Variants in MYO5A observed in about 807,000 individuals in gnomAD.
MYO5A encodes the protein unconventional myosin-Va.
MYO5A carries 98 observed loss-of-function variants against 249.7 expected under a neutral mutation model. That is an observed-to-expected ratio of 0.39 (90% CI 0.33 to 0.46). MYO5A has a LOEUF of 0.46. Among genes scored for constraint, MYO5A ranks in the 20% least tolerant of loss-of-function variants. The pLI is 0.98. For synonymous variants in MYO5A, 778 were observed against 810.6 expected, an observed-to-expected ratio of 0.96 and a Z score of 0.68; for missense variants, 1,696 against 2,308.8, an observed-to-expected ratio of 0.73 and a Z score of 5.44.
chr15:52,482,642 T>C (rs1003194013), intron 1 of MYO5A, among the ~76,000 whole-genome samples: 3 of 152,104 alleles, frequency 2.0e-5, no homozygotes, highest in Admixed American at 1.3e-4. Flanking sequence ...TTCCTGTTCA[T>C]AATTTTTTTT....
At chr15:52,485,577 CATA>C (rs2076803452) in intron 1 of MYO5A, among the ~76,000 whole-genome samples, 1 of 151,998 alleles carries the variant, frequency 6.6e-6, no homozygotes, top group Non-Finnish European at 1.5e-5. Context: ...CATGAATCAG[CATA>C]ATATTTACCC....
At chr15:52,470,071 T>C (rs1595741675) in intron 1 of MYO5A, among the ~76,000 whole-genome samples, 2 of 152,236 alleles carry the variant, frequency 1.3e-5, no homozygotes, top group African/African-American at 2.4e-5. Flanking sequence ...TTGGGCTGCA[T>C]GGCTTTCACA....
intron 27 of MYO5A, among the ~76,000 whole-genome samples, chr15:52,352,351 G>A (rs977894857): frequency 6.6e-6 from 1 of 152,202 alleles, no homozygotes; most frequent in Non-Finnish European, 1.5e-5. Context: ...AAGCACCATG[G>A]TGCCTCATTT....
At chr15:52,387,793 T>C (rs1005573113) in intron 14 of MYO5A, 36 bp downstream of exon 14, 4 of 1,422,554 alleles carry the variant, frequency 2.8e-6, no homozygotes, top group Admixed American at 1.7e-5. Flanking sequence ...ATGCTTTGCA[T>C]ACATCCTGGA....
chr15:52,367,870 A>AACACACACACACACAC (rs3985806), intron 22 of MYO5A, among the ~76,000 whole-genome samples: 45 of 141,884 alleles, frequency 3.2e-4, no homozygotes, highest in African/African-American at 1.1e-3. Flanking sequence ...TATATTTTAA[A>AACACACACACACACAC]ACACACACAC....
chr15:52,443,777 T>G (rs1179746331), intron 1 of MYO5A, among the ~76,000 whole-genome samples: 1 of 150,924 alleles, frequency 6.6e-6, no homozygotes, highest in Non-Finnish European at 1.5e-5. Context: ...GCTCAGGAGT[T>G]CAAGACCAGC....
At chr15:52,426,390 T>C (rs1453560536) in intron 3 of MYO5A, among the ~76,000 whole-genome samples, 1 of 151,452 alleles carries the variant, frequency 6.6e-6, no homozygotes, top group Admixed American at 6.6e-5. Context: ...ACAAAATATA[T>C]AGGGCAAGGA....
At chr15:52,352,061 C>T (rs184422221) in intron 27 of MYO5A, among the ~76,000 whole-genome samples, 2 of 152,348 alleles carry the variant, frequency 1.3e-5, no homozygotes, top group East Asian at 1.9e-4. Flanking sequence ...ATTTTTCAAA[C>T]TTCTTTTCTG....
At chr15:52,475,127 T>C (rs967038640) in intron 1 of MYO5A, among the ~76,000 whole-genome samples, 3 of 152,236 alleles carry the variant, frequency 2.0e-5, no homozygotes, top group Non-Finnish European at 4.4e-5. Flanking sequence ...AGGGTGTATG[T>C]GTCCAGGAAT....
chr15:52,486,334 T>A (rs963190803), intron 1 of MYO5A, among the ~76,000 whole-genome samples: 4 of 152,186 alleles, frequency 2.6e-5, no homozygotes, highest in Non-Finnish European at 4.4e-5. Context: ...AAAACTCAGG[T>A]TGAGTGAGTC....
chr15:52,356,430 A>T (rs1400774860), intron 25 of MYO5A, among the ~76,000 whole-genome samples: 1 of 152,116 alleles, frequency 6.6e-6, no homozygotes, highest in Non-Finnish European at 1.5e-5. Flanking sequence ...GAATTAGAAT[A>T]ATAATGTCAT....
intron 1 of MYO5A, among the ~76,000 whole-genome samples, chr15:52,490,251 A>G (rs1050518380): frequency 1.3e-5 from 2 of 152,222 alleles, no homozygotes; most frequent in African/African-American, 4.8e-5. Flanking sequence ...TATCCAAAAG[A>G]TTTGAAAGCA....
intron 1 of MYO5A, among the ~76,000 whole-genome samples, chr15:52,454,276 C>T (rs1226275204): frequency 1.3e-5 from 2 of 151,974 alleles, no homozygotes; most frequent in African/African-American, 4.8e-5. Context: ...AAGAAGGTCA[C>T]TATATAATGA....
At chr15:52,331,970 A>G in intron 34 of MYO5A, 1 of 697,582 alleles carries the variant, frequency 1.4e-6, no homozygotes. Flanking sequence ...GCAAGAGAAA[A>G]GGAGACTCAA....
intron 1 of MYO5A, among the ~76,000 whole-genome samples, chr15:52,497,399 C>A (rs1353102526): frequency 6.2e-5 from 9 of 146,050 alleles, no homozygotes; most frequent in African/African-American, 2.2e-4. Flanking sequence ...AGCAGATGTC[C>A]TGAAATAGCT....
At chr15:52,374,954 A>G (rs2041325734) in intron 20 of MYO5A, among the ~76,000 whole-genome samples, 2 of 152,190 alleles carry the variant, frequency 1.3e-5, no homozygotes, top group African/African-American at 4.8e-5. Flanking sequence ...TTTGTTAATA[A>G]CTGTATGTGA....
Position 52,330,481 on chromosome 15 carries a change from A to G in MYO5A, c.4427T>C (p.Ile1476Thr), listed in dbSNP as rs2038838806. 6.2e-7 allele frequency: 1 copy of G among 1,613,904 alleles called. No individual in the cohort carries two copies. Among genetic ancestry groups the G allele is most frequent in the Admixed American group, 1.7e-5 (1 of 59,982 alleles). The change falls in exon 35 of 42, where the codon ATA becomes ACA. Residue 1476 changes from isoleucine to threonine, a missense_variant. By Grantham distance (89) the Ile-to-Thr change is moderately conservative. This residue lies in a region of MYO5A where 625 missense variants were observed against 908.1 expected (regional missense o/e 0.69). Transcript: ENST00000399233. The stretch of plus-strand genomic sequence containing the variant: ...TTCATCAATGATCTGTCCTGGGGAT[A>G]TGTTCTCCATCTGGCCCACTTTATG... Reference protein sequence around the residue: ...GELEVGQMENISPGQIIDEPI... With the variant: ...GELEVGQMENTSPGQIIDEPI...
At chr15:52,335,738 T>C (rs1478626037) in intron 34 of MYO5A, among the ~76,000 whole-genome samples, 1 of 152,240 alleles carries the variant, frequency 6.6e-6, no homozygotes, top group East Asian at 1.9e-4. Flanking sequence ...AAAAATCTTA[T>C]TTCTTTATCA....
chr15:52,438,775 GCT>G (rs2075722156), intron 1 of MYO5A, among the ~76,000 whole-genome samples: 1 of 152,248 alleles, frequency 6.6e-6, no homozygotes, highest in Non-Finnish European at 1.5e-5. Context: ...TTGTATGGGA[GCT>G]CTGTCTTCAC....
Sources: allele counts gnomAD v4.1 joint callset (sites outside exome capture counted in the v4.1 genomes callset), GRCh38; gene constraint gnomAD v4.1.1; regional missense constraint gnomAD v4.1.1; transcripts MANE v1.5; gene names NCBI Gene and HGNC (gene_info 2026-07-23, HGNC 2026-07-21).